The following SLC4A4 variants were observed in gnomAD, a reference collection of about 807,000 sequenced individuals.
SLC4A4 encodes solute carrier family 4 member 4.
In SLC4A4, 27 loss-of-function variants were observed where a neutral mutation model predicts 111.5. That is an observed-to-expected ratio of 0.24 (90% CI 0.18 to 0.33). SLC4A4 has a LOEUF of 0.33. SLC4A4 is among the 10% of genes least tolerant of loss of function. SLC4A4 has a pLI of 1.00. For synonymous variants in SLC4A4, 443 were observed against 463.4 expected (o/e 0.96, Z 0.57); for missense variants, 909 against 1,315.5 (o/e 0.69, Z 4.78).
intron 3 of SLC4A4, among the ~76,000 whole-genome samples, chr4:71,335,328 A>T (rs1029106284): frequency 3.3e-5 from 5 of 152,346 alleles, no homozygotes; most frequent in Non-Finnish European, 7.3e-5. Context: ...CTACGATGAA[A>T]AAAGTGACTA....
chr4:71,363,983 C>T (rs1299219510), intron 6 of SLC4A4, among the ~76,000 whole-genome samples: 2 of 152,164 alleles, frequency 1.3e-5, no homozygotes, highest in Non-Finnish European at 2.9e-5. Flanking sequence ...CCTTTTCTTT[C>T]TCCAGGCAGA....
chr4:71,500,402 C>T (rs1368707399), intron 16 of SLC4A4, among the ~76,000 whole-genome samples: 1 of 152,146 alleles, frequency 6.6e-6, no homozygotes, highest in East Asian at 1.9e-4. Context: ...AGACTAATGT[C>T]ATGGAGCTTT....
chr4:71,145,838 TTTC>T (rs1193809437), intron 2 of SLC4A4, among the ~76,000 whole-genome samples: 7 of 152,224 alleles, frequency 4.6e-5, no homozygotes, highest in Non-Finnish European at 8.8e-5. Flanking sequence ...TCTTCTCTCT[TTTC>T]TTCTTTATTA....
intron 3 of SLC4A4, among the ~76,000 whole-genome samples, chr4:71,284,590 C>G (rs574567610): frequency 1.3e-5 from 2 of 152,224 alleles, no homozygotes; most frequent in East Asian, 3.9e-4. Context: ...AAGCTATATT[C>G]TATTTATTTA....
At chr4:71,241,919 C>T (rs890937197) in intron 2 of SLC4A4, among the ~76,000 whole-genome samples, 4 of 152,198 alleles carry the variant, frequency 2.6e-5, no homozygotes, top group South Asian at 4.1e-4. Flanking sequence ...CTCAGCTGAA[C>T]GCTGGCCAGA....
intron 7 of SLC4A4, among the ~76,000 whole-genome samples, chr4:71,425,118 A>T (rs1485616318): frequency 6.6e-6 from 1 of 152,104 alleles, no homozygotes; most frequent in South Asian, 2.1e-4. Flanking sequence ...TAGAAATGGA[A>T]TGTTGAGGTG....
At chr4:71,388,006 A>G (rs1718916025) in intron 6 of SLC4A4, among the ~76,000 whole-genome samples, 1 of 152,190 alleles carries the variant, frequency 6.6e-6, no homozygotes, top group South Asian at 2.1e-4. Flanking sequence ...AGGGACATTT[A>G]CTGAAAATCA....
intron 1 of SLC4A4, among the ~76,000 whole-genome samples, chr4:71,199,314 T>C (rs887526738): frequency 6.6e-6 from 1 of 152,238 alleles, no homozygotes; most frequent in African/African-American, 2.4e-5. Flanking sequence ...GACTTCCTTA[T>C]ACAATTTCTA....
intron 7 of SLC4A4, among the ~76,000 whole-genome samples, chr4:71,435,375 G>C (rs1282801314): frequency 6.6e-6 from 1 of 152,140 alleles, no homozygotes; most frequent in African/African-American, 2.4e-5. Context: ...ACTGAAACTG[G>C]ATCCCTTCCT....
chr4:71,163,385 AT>A (rs1744658708), intron 2 of SLC4A4, among the ~76,000 whole-genome samples: 2 of 152,162 alleles, frequency 1.3e-5, no homozygotes, highest in Admixed American at 1.3e-4. Flanking sequence ...TAGTCTTAGT[AT>A]TTCTATACTT....
intron 3 of SLC4A4, among the ~76,000 whole-genome samples, chr4:71,276,579 G>C (rs77180766): frequency 4.7e-5 from 7 of 147,608 alleles, no homozygotes; most frequent in Non-Finnish European, 1.0e-4. Flanking sequence ...TTTTTTTTTA[G>C]ATCTTCTTCT....
chr4:71,265,719 A>G (rs564179858), intron 3 of SLC4A4, among the ~76,000 whole-genome samples: 18 of 152,248 alleles, frequency 1.2e-4, no homozygotes, highest in African/African-American at 4.1e-4. Flanking sequence ...TGATTTTCAA[A>G]TGATCATAGT....
intron 3 of SLC4A4, among the ~76,000 whole-genome samples, chr4:71,266,455 T>C (rs1324710876): frequency 6.6e-6 from 1 of 152,216 alleles, no homozygotes; most frequent in Non-Finnish European, 1.5e-5. Context: ...TGCAGCTTTT[T>C]GAGTATGTGG....
intron 6 of SLC4A4, among the ~76,000 whole-genome samples, chr4:71,362,112 A>C (rs566680920): frequency 6.6e-6 from 1 of 152,320 alleles, no homozygotes; most frequent in African/African-American, 2.4e-5. Flanking sequence ...AAAGTTGGGT[A>C]AAGCCATCAT....
upstream of SLC4A4, among the ~76,000 whole-genome samples, chr4:71,183,608 A>G (rs1560764380): frequency 6.6e-6 from 1 of 152,174 alleles, no homozygotes; most frequent in Non-Finnish European, 1.5e-5. Context: ...TTCATCCCAG[A>G]TTGGTTTTAG....
intron 3 of SLC4A4, among the ~76,000 whole-genome samples, chr4:71,276,955 G>GGA (rs1447761288): frequency 6.6e-6 from 1 of 152,058 alleles, no homozygotes; most frequent in East Asian, 1.9e-4. Context: ...GGCTGAGGTG[G>GGA]GACACTTGAG....
chr4:71,479,813 C>T (rs772670728), intron 14 of SLC4A4, among the ~76,000 whole-genome samples: 1 of 151,584 alleles, frequency 6.6e-6, no homozygotes, highest in African/African-American at 2.4e-5. Flanking sequence ...CTGTCTTAAC[C>T]TATGTTTTAG....
At chr4:71,542,911 C>T (rs1735190861) in intron 18 of SLC4A4, among the ~76,000 whole-genome samples, 1 of 152,102 alleles carries the variant, frequency 6.6e-6, no homozygotes, top group Non-Finnish European at 1.5e-5. Context: ...ATTTATCCAT[C>T]AAACATTTAT....
intron 11 of SLC4A4, among the ~76,000 whole-genome samples, chr4:71,451,711 G>T (rs1366210683): frequency 6.6e-6 from 1 of 152,050 alleles, no homozygotes. Flanking sequence ...GGTGTGTGGG[G>T]GTGGGCTGCA....
Sources: gnomAD v4.1 joint callset for allele counts (sites outside exome capture counted in the v4.1 genomes callset) on GRCh38, gnomAD v4.1.1 for gene constraint, MANE v1.5 for transcripts, NCBI Gene and HGNC (gene_info 2026-07-23, HGNC 2026-07-21) for gene names.